The following ADAMTS16 variants were observed in gnomAD, a reference collection of about 807,000 sequenced individuals.
The protein encoded by ADAMTS16 is ADAM metallopeptidase with thrombospondin type 1 motif 16.
ADAMTS16 carries 94 observed loss-of-function variants against 145.8 expected under a neutral mutation model. That is an observed-to-expected ratio of 0.64 (90% confidence interval 0.55 to 0.77). ADAMTS16 has a LOEUF of 0.77. ADAMTS16 is among the 30% of genes least tolerant of loss of function. The probability of loss-of-function intolerance (pLI) is 0.00; values close to 1 mark genes in which losing one functional copy is unlikely to be tolerated. For synonymous variants in ADAMTS16, 659 were observed against 604.3 expected, an observed-to-expected ratio of 1.09 and a Z score of -1.33; for missense variants, 1,585 against 1,591.5, an observed-to-expected ratio of 1.00 and a Z score of 0.07.
chr5:5,286,857 CAAAAAAAAAAA>C (rs1158555676), intron 18 of ADAMTS16, among the ~76,000 whole-genome samples: 4 of 22,118 alleles, frequency 1.8e-4, no homozygotes, highest in South Asian at 2.3e-3. Flanking sequence ...GACTCCGTCT[CAAAAAAAAAAA>C]AAAAAAAAAA....
chr5:5,236,442 A>G (rs1249948276), intron 13 of ADAMTS16, among the ~76,000 whole-genome samples: 1 of 152,228 alleles, frequency 6.6e-6, no homozygotes, highest in Non-Finnish European at 1.5e-5. Context: ...ATATTTTAAA[A>G]CAGTTTATTG....
intron 20 of ADAMTS16, among the ~76,000 whole-genome samples, chr5:5,305,556 ACACACGT>A (rs1457636983): frequency 7.8e-6 from 1 of 128,190 alleles, no homozygotes; most frequent in African/African-American, 2.7e-5. Context: ...ACACACACAC[ACACACGT>A]CAGAGCTTCT....
intron 4 of ADAMTS16, 129 bp downstream of exon 4, chr5:5,182,434 T>G: frequency 8.3e-7 from 1 of 1,207,132 alleles, no homozygotes; most frequent in South Asian, 1.6e-5. Flanking sequence ...GTTGCTAAAC[T>G]GAAGCAATGA....
rs142328441 is a variant in ADAMTS16, at chr5:5,274,065, G to C, written c.2789+11282G>C. ...AAGACCTTTTTTTCCAGCAGTTTTT[G>C]CTTCATTTCATGGCAACATTAAGCA... On this transcript the variant is annotated intron_variant, in intron 18 of 22. Coordinates refer to ENST00000274181, the MANE Select transcript of ADAMTS16 (RefSeq NM_139056.4). 1.9e-4 allele frequency among the ~76,000 whole-genome samples: 29 copies of C among 151,876 alleles called. No individual in the cohort carries two copies. The East Asian group carries it at 5.4e-3, about 28-fold the overall frequency.
At chr5:5,189,732 G>T (rs1735604828) in intron 6 of ADAMTS16, among the ~76,000 whole-genome samples, 1 of 152,178 alleles carries the variant, frequency 6.6e-6, no homozygotes, top group African/African-American at 2.4e-5. Flanking sequence ...ATGCATTCAG[G>T]ATCAGCCAGA....
chr5:5,233,042 A>C (rs78610674), intron 12 of ADAMTS16, among the ~76,000 whole-genome samples: 3,822 of 151,892 alleles, frequency 0.025, 152 homozygotes, highest in African/African-American at 0.086. Context: ...CACAGCAAAA[A>C]AATAACAGCA....
chr5:5,191,708 T>C lies in ADAMTS16; in HGVS notation c.1231T>C (p.Cys411Arg), dbSNP rs1448865146. The C allele has an allele frequency of 6.2e-7, 1 of 1,613,660 alleles. No individual in the cohort carries two copies. Among genetic ancestry groups the C allele is most frequent in the Non-Finnish European group, 8.5e-7 (1 of 1,179,668 alleles). Residue 411 changes from cysteine (C) to arginine (R), a missense_variant, in exon 8 of 23, where the codon TGT (cysteine) becomes CGT (arginine). Transcript: ENST00000274181. Reference sequence around the variant, plus strand: ...AGGATTTGCACCCATAAGTGGAATGTGTAGTAAATATCGCAGCTGCACGAT... The same window carrying C: ...AGGATTTGCACCCATAAGTGGAATGCGTAGTAAATATCGCAGCTGCACGAT... ...TLGFAPISGM[C>R]SKYRSCTINE...
At chr5:5,288,503 A>T (rs188440016) in intron 18 of ADAMTS16, among the ~76,000 whole-genome samples, 16 of 152,328 alleles carry the variant, frequency 1.1e-4, no homozygotes, top group Admixed American at 3.3e-4. Context: ...CTTGACACTG[A>T]TTCAATACTG....
At chr5:5,318,846 A>T (rs1734163754) in intron 22 of ADAMTS16, among the ~76,000 whole-genome samples, 177 bp from the exon 23 acceptor site, 1 of 152,104 alleles carries the variant, frequency 6.6e-6, no homozygotes, top group South Asian at 2.1e-4. Flanking sequence ...AACTTCCAAG[A>T]AGGCTCTTGT....
intron 18 of ADAMTS16, among the ~76,000 whole-genome samples, chr5:5,294,684 C>T (rs1739459917): frequency 1.3e-5 from 2 of 152,206 alleles, no homozygotes; most frequent in South Asian, 4.1e-4. Context: ...ACTCAGCCAA[C>T]ATGAATGATA....
intron 16 of ADAMTS16, among the ~76,000 whole-genome samples, chr5:5,240,341 C>T (rs1737250041): frequency 6.6e-6 from 1 of 152,190 alleles, no homozygotes; most frequent in South Asian, 2.1e-4. Context: ...GTGTGATGAC[C>T]TACCTGTGTC....
intron 18 of ADAMTS16, among the ~76,000 whole-genome samples, chr5:5,268,751 G>T (rs1738353913): frequency 6.6e-6 from 1 of 152,148 alleles, no homozygotes; most frequent in Non-Finnish European, 1.5e-5. Context: ...TCCATGCTAA[G>T]CCCTCAAGAG....
chr5:5,153,974 A>C (rs1490294783), intron 3 of ADAMTS16, among the ~76,000 whole-genome samples: 1 of 152,152 alleles, frequency 6.6e-6, no homozygotes, highest in Non-Finnish European at 1.5e-5. Context: ...TTTGAATTGT[A>C]CTGGGTTTTA....
At chr5:5,266,715 C>A (rs1045880862) in intron 18 of ADAMTS16, among the ~76,000 whole-genome samples, 1 of 152,206 alleles carries the variant, frequency 6.6e-6, no homozygotes, top group Admixed American at 6.5e-5. Flanking sequence ...TGGGGCTACT[C>A]TTCCTGGTGT....
chr5:5,244,791 A>G (rs1400840046), intron 17 of ADAMTS16, among the ~76,000 whole-genome samples: 1 of 152,190 alleles, frequency 6.6e-6, no homozygotes, highest in Admixed American at 6.5e-5. Context: ...GTTGCAGTCC[A>G]TTGAACATAA....
At chr5:5,278,260 G>C (rs1738775470) in intron 18 of ADAMTS16, among the ~76,000 whole-genome samples, 2 of 152,100 alleles carry the variant, frequency 1.3e-5, no homozygotes, top group African/African-American at 4.8e-5. Flanking sequence ...CTCCATTCTG[G>C]TATTCTGATA....
At chr5:5,148,796 C>T (rs547513210) in intron 3 of ADAMTS16, among the ~76,000 whole-genome samples, 1 of 152,088 alleles carries the variant, frequency 6.6e-6, no homozygotes, top group Non-Finnish European at 1.5e-5. Context: ...CAGACCTGGG[C>T]CCCAGGAGTT....
In ADAMTS16 at chr5:5,237,062, A is replaced by C. The variant is rs768720770; in HGVS notation, c.2117A>C (p.Glu706Ala). The C allele has an allele frequency of 4.3e-6, 7 of 1,613,938 alleles. No homozygotes were observed. The South Asian group carries it at 7.7e-5, about 18-fold the overall frequency. ...GTCAAAGATGGGACTCCATGCTCGG[A>C]GGATAGCCGTAATGTTTGTATAGAT... ...NKVKDGTPCS[E>A]DSRNVCIDGI... Residue 706 changes from glutamate to alanine, a missense_variant, in exon 14 of 23, where the codon GAG becomes GCG. Transcript: ENST00000274181.
At chr5:5,186,786 G>T (rs1735514016) in intron 5 of ADAMTS16, among the ~76,000 whole-genome samples, 1 of 152,116 alleles carries the variant, frequency 6.6e-6, no homozygotes. Context: ...AGTGATGAGA[G>T]GTATACTAAG....
Sources: gnomAD v4.1 joint callset for allele counts (sites outside exome capture counted in the v4.1 genomes callset) on GRCh38, gnomAD v4.1.1 for gene constraint, MANE v1.5 for transcripts, NCBI Gene and HGNC (gene_info 2026-07-23, HGNC 2026-07-21) for gene names.